The following FKBP4 variants were observed in gnomAD, a reference collection of about 807,000 sequenced individuals.
FKBP4 encodes the protein FKBP prolyl isomerase 4.
FKBP4 carries 28 observed loss-of-function variants against 54.1 expected under a neutral mutation model. The ratio of observed to expected loss-of-function variants is 0.52; its 90% confidence interval spans 0.38 to 0.71. The LOEUF (loss-of-function observed/expected upper bound fraction) is 0.71, where lower values mean the gene tolerates loss of function less well. Ranked by LOEUF, FKBP4 falls within the 30% of genes least tolerant of loss-of-function variation. The pLI, the probability that FKBP4 is intolerant of heterozygous loss-of-function variation, is 0.00. For synonymous variants in FKBP4, 223 were observed against 216.1 expected (o/e 1.03, Z -0.28); for missense variants, 493 against 574.4 (o/e 0.86, Z 1.45).
At position 2,805,310 on chromosome 12, in the gene FKBP4, T is replaced by G; in HGVS notation, c.*2052T>G. ...AAGCATTCCTGAGGTTTCTTCCAGC[T>G]CTGCATCCTGTAGGATTCCAAGAAT... On this transcript the variant is annotated 3_prime_UTR_variant, in exon 10 of 10. Coordinates refer to ENST00000001008, the MANE Select transcript of FKBP4 (RefSeq NM_002014.4). 5.1e-6 allele frequency: 2 copies of G among 392,968 alleles called. No homozygotes were observed. Among genetic ancestry groups the G allele is most frequent in the Non-Finnish European group, 5.0e-6 (1 of 200,424 alleles). The allele number at this position is 392,968 out of a possible 1,614,324, so 24.3% of individuals were successfully genotyped here.
chr12:2,800,209 G>A, intron 7 of FKBP4, 87 bp downstream of exon 7: 1 of 1,494,578 alleles, frequency 6.7e-7, no homozygotes, highest in Non-Finnish European at 9.3e-7. Context: ...ATCATTTTCT[G>A]CCAAGAAGTG....
At chr12:2,802,823 G>T (rs541706324) in intron 9 of FKBP4, among the ~76,000 whole-genome samples, 28 of 152,296 alleles carry the variant, frequency 1.8e-4, no homozygotes, top group Non-Finnish European at 2.9e-5. Context: ...TGCCTCCAGG[G>T]CTCAAGTGAT....
In FKBP4 at chr12:2,795,270, G is replaced by C. The variant is rs527956270; in HGVS notation, c.105+26G>C. Reference sequence around the variant, plus strand: ...GTGAGGGGCGGCGGGGCCTGCGGAGGCGTCGGAACCCGGGGCCCCGCGGGC... The same window carrying C: ...GTGAGGGGCGGCGGGGCCTGCGGAGCCGTCGGAACCCGGGGCCCCGCGGGC... On this transcript the variant is annotated intron_variant, in intron 1 of 9. Coordinates refer to ENST00000001008, the MANE Select transcript of FKBP4 (RefSeq NM_002014.4). This position sits in a 1 kb window ranked among gnomAD's most constrained non-coding sequence, Gnocchi z 4.3. The C allele has an allele frequency of 5.0e-5, 62 of 1,242,500 alleles. 1 individual carries two copies. In the South Asian group the frequency reaches 1.9e-3, roughly 38 times the overall value. The allele number at this position is 1,242,500 out of a possible 1,614,324, so 77.0% of individuals were successfully genotyped here.
chr12:2,797,851 A>G lies in FKBP4; in HGVS notation c.373A>G (p.Asn125Asp), dbSNP rs1450326530. Residue 125 changes from asparagine to aspartate, a missense_variant, in exon 3 of 10, where the codon AAT (asparagine) becomes GAT (aspartate). Physicochemically the swap from Asn to Asp is conservative, Grantham distance 23. Coordinates refer to ENST00000001008, the MANE Select transcript of FKBP4 (RefSeq NM_002014.4). ...SAGSPPKIPP[N>D]ATLVFEVELF... The stretch of plus-strand genomic sequence containing the variant: ...AGGCAGTCCTCCAAAGATTCCCCCC[A>G]ATGCCACGCTTGTATTTGAGGTGAG... 1.9e-6 allele frequency: 3 copies of G among 1,613,702 alleles called. No homozygotes were observed. In the African/African-American group the frequency reaches 4.0e-5, roughly 22 times the overall value.
intron 1 of FKBP4, chr12:2,796,120 G>T: frequency 8.2e-7 from 1 of 1,222,194 alleles, no homozygotes; most frequent in South Asian, 1.4e-5. Context: ...AATCAGAGAT[G>T]GTGAATTCCC....
In FKBP4 at chr12:2,799,940, G is replaced by C; in HGVS notation, c.762G>C (p.Lys254Asn). The C allele has an allele frequency of 6.2e-7, 1 of 1,614,162 alleles. No individual in the cohort carries two copies. The highest frequency in any genetic ancestry group is 8.5e-7 in the Non-Finnish European group (1 of 1,180,004). The change falls in exon 6 of 10, where the codon AAG (lysine) becomes AAC (asparagine). Residue 254 changes from lysine to asparagine, a missense_variant and splice_region_variant. Physicochemically the swap from Lys to Asn is moderately conservative, Grantham distance 94 (BLOSUM62 0). Coordinates refer to ENST00000001008, the MANE Select transcript of FKBP4 (RefSeq NM_002014.4). ...AATTACACCTCAAGAGTTTTGAAAAGGTAAGTTTGCTCAGGGTCTTCCCAT... is the reference window on the plus strand; with the variant it reads ...AATTACACCTCAAGAGTTTTGAAAACGTAAGTTTGCTCAGGGTCTTCCCAT... ...KYELHLKSFE[K>N]AKESWEMNSE...
chr12:2,797,411 CTCTTT>C (rs1322275427), intron 2 of FKBP4, 129 bp downstream of exon 2: 2 of 1,062,450 alleles, frequency 1.9e-6, no homozygotes, highest in African/African-American at 3.2e-5. Context: ...CTTTCGGTCA[CTCTTT>C]TTTTTTTTTT....
Position 2,798,727 on chromosome 12 carries a change from G to A in FKBP4, c.415G>A (p.Gly139Arg). ...VFEVELFEFK[G>R]EDLTEEEDGG... ...ACAGGTGGAGTTGTTTGAGTTTAAG[G>A]GAGAAGATCTGACGGAAGAGGAAGA... Residue 139 changes from glycine to arginine, a missense_variant, in exon 4 of 10, where the codon GGA becomes AGA. Gly to Arg is a moderately radical substitution (Grantham distance 125). Coordinates refer to ENST00000001008, the MANE Select transcript of FKBP4 (RefSeq NM_002014.4). The surrounding 1 kb of genome is among the most constrained non-coding windows in gnomAD (Gnocchi z 4.3). The A allele has an allele frequency of 6.2e-7, 1 of 1,613,934 alleles. No individual in the cohort carries two copies. The highest frequency in any genetic ancestry group is 8.5e-7 in the Non-Finnish European group (1 of 1,180,032).
chr12:2,796,762 T>TATA (rs777990619), intron 1 of FKBP4: 72 of 1,063,882 alleles, frequency 6.8e-5, no homozygotes, highest in Non-Finnish European at 8.0e-5. Context: ...CTTTGCCGAT[T>TATA]ATAATAATAA....
rs1193315646 is a variant in FKBP4 at position 2,803,927 on chromosome 12, A to C, written c.*669A>C. On this transcript the variant is annotated 3_prime_UTR_variant, in exon 10 of 10. Transcript: ENST00000001008. ...CTCAAGTTCCATGCTTGAGCAATAA[A>C]GTGGAAACAATAAAACCTGGGTGTC... 6.5e-6 allele frequency: 1 copy of C among 152,968 alleles called. No homozygotes were observed. Among genetic ancestry groups the C allele is most frequent in the East Asian group, 1.9e-4 (1 of 5,194 alleles). The allele number at this position is 152,968 out of a possible 1,614,324, so 9.5% of individuals were successfully genotyped here.
Position 2,803,844 on chromosome 12 carries a change from T to C in FKBP4, c.*586T>C, listed in dbSNP as rs1393307376. 6.5e-6 allele frequency: 1 copy of C among 153,250 alleles called. No homozygotes were observed. Among genetic ancestry groups the C allele is most frequent in the East Asian group, 1.9e-4 (1 of 5,216 alleles). 9.5% of individuals were successfully genotyped at this position (153,250 alleles called of 1,614,324 possible). ...CTGTCAGTTTCCCCTCTCGGCCAGG[T>C]TGTGTCCCAAAATCCCCTCAGCCTC... is the stretch of plus-strand genomic sequence containing the variant. On this transcript the variant is annotated 3_prime_UTR_variant, in exon 10 of 10. Coordinates refer to ENST00000001008, the MANE Select transcript of FKBP4 (RefSeq NM_002014.4).
At chr12:2,797,413 CTTTTT>C in intron 2 of FKBP4, 131 bp downstream of exon 2, 1 of 812,794 alleles carries the variant, frequency 1.2e-6, no homozygotes, top group Non-Finnish European at 1.8e-6. Context: ...TTCGGTCACT[CTTTTT>C]TTTTTTTTTC....
intron 9 of FKBP4, chr12:2,801,609 C>A: frequency 1.7e-6 from 1 of 577,168 alleles, no homozygotes. Flanking sequence ...TTCTTGTGGG[C>A]CAGGCGCCGT....
intron 1 of FKBP4, chr12:2,796,267 T>G (rs1160279096): frequency 7.8e-7 from 1 of 1,289,188 alleles, no homozygotes. Flanking sequence ...TGCACCAGAT[T>G]ATTGGGGACC....
At chr12:2,796,409 T>A in intron 1 of FKBP4, 3 of 1,286,772 alleles carry the variant, frequency 2.3e-6, no homozygotes, top group Non-Finnish European at 3.0e-6. Context: ...CCTTCCCTTT[T>A]ACCTTTCTAC....
chr12:2,795,712 A>T lies in FKBP4; in HGVS notation c.105+468A>T, dbSNP rs1385803169. On this transcript the variant is annotated intron_variant, in intron 1 of 9. Transcript: ENST00000001008. The surrounding 1 kb of genome is among the most constrained non-coding windows in gnomAD (Gnocchi z 4.3). ...TTGGTGGCGGTGCCAGGGCTCGCCC[A>T]CCCGGGCGGTGGAACACGGGCCAGG... 1 of 153,016 alleles carries T rather than the reference A, an allele frequency of 6.5e-6. No homozygotes were observed. Among genetic ancestry groups the T allele is most frequent in the South Asian group, 2.1e-4 (1 of 4,862 alleles). 9.5% of individuals were successfully genotyped at this position (153,016 alleles called of 1,614,324 possible).
rs773902439 is a variant in FKBP4, at chr12:2,800,474, A to G, written c.929A>G (p.Glu310Gly). 4 of 1,614,056 alleles carry G rather than the reference A, an allele frequency of 2.5e-6. No individual in the cohort carries two copies. The African/African-American group carries it at 5.3e-5, about 22-fold the overall frequency. The change falls in exon 8 of 10, where the codon GAA becomes GGA. Residue 310 changes from glutamate (E) to glycine (G), a missense_variant. Physicochemically the swap from Glu to Gly is moderately conservative, Grantham distance 98 (BLOSUM62 -2). Transcript: ENST00000001008. ...LEYESSFSNE[E>G]AQKAQALRLA... ...TATGAGTCTAGTTTTTCCAATGAGG[A>G]AGCACAGAAAGCACAGGCCCTTCGA...
chr12:2,802,635 T>TA (rs1465335663), intron 9 of FKBP4, among the ~76,000 whole-genome samples: 1 of 152,256 alleles, frequency 6.6e-6, no homozygotes, highest in African/African-American at 2.4e-5. Context: ...ACTAGCCACT[T>TA]ACAGTAGTGG....
rs1196399924 is a variant in FKBP4 at position 2,795,449 on chromosome 12, G to C, written c.105+205G>C. On this transcript the variant is annotated intron_variant, in intron 1 of 9. Coordinates refer to ENST00000001008, the MANE Select transcript of FKBP4 (RefSeq NM_002014.4). The surrounding 1 kb of genome is among the most constrained non-coding windows in gnomAD (Gnocchi z 4.3). ...CCGAGGCCGGCCATGCGCTCGGCAG[G>C]GGGGCGGCCTAGGTGCGCGGGCCGA... Among the ~76,000 whole-genome samples, 7 of 147,672 alleles carry C rather than the reference G, an allele frequency of 4.7e-5. No homozygotes were observed. In the East Asian group the frequency reaches 9.8e-4, roughly 21 times the overall value.
Sources: gnomAD v4.1 joint callset for allele counts (sites outside exome capture counted in the v4.1 genomes callset) on GRCh38, gnomAD v4.1.1 for gene constraint, Gnocchi (gnomAD v3.1) non-coding constraint, MANE v1.5 for transcripts, NCBI Gene and HGNC (gene_info 2026-07-23, HGNC 2026-07-21) for gene names.